Variants in DEUP1 observed in about 807,000 individuals in gnomAD.
DEUP1 encodes the protein coiled-coil domain containing 67.
DEUP1 carries 82 observed loss-of-function variants against 87.4 expected under a neutral mutation model. That is an observed-to-expected ratio of 0.94 (90% confidence interval 0.78 to 1.13). DEUP1 has a LOEUF of 1.13. Among genes scored for constraint, DEUP1 ranks in the 50% most tolerant of loss-of-function variants. The pLI is 0.00. For missense variants in DEUP1, 663 were observed against 681.5 expected, an observed-to-expected ratio of 0.97 and a Z score of 0.30; for synonymous variants, 214 against 222.7, an observed-to-expected ratio of 0.96 and a Z score of 0.35.
rs753355639 is a variant in DEUP1 at position 93,370,063 on chromosome 11, T to C, written c.433-10T>C. The C allele has an allele frequency of 7.4e-6, 11 of 1,483,066 alleles. No homozygotes were observed. In the South Asian group the frequency reaches 1.3e-4, roughly 18 times the overall value. 91.9% of individuals were successfully genotyped at this position (1,483,066 alleles called of 1,614,324 possible). On this transcript the variant is annotated splice_polypyrimidine_tract_variant and intron_variant, in intron 5 of 13. Coordinates refer to ENST00000298050, the MANE Select transcript of DEUP1 (RefSeq NM_181645.4). ...TTTTTAAATATGTTTGTCTCCCCAC[T>C]TTTTAAAAGGAATTTAGAGCAAAGT...
chr11:93,432,375 C>T (rs1333033058), intron 13 of DEUP1, among the ~76,000 whole-genome samples: 8 of 152,160 alleles, frequency 5.3e-5, no homozygotes, highest in Non-Finnish European at 4.4e-5. Context: ...TCCCCTCTGA[C>T]TCCTAGGAGG....
At position 93,343,947 on chromosome 11, in the gene DEUP1, T is replaced by G. The variant is rs1044523971; in HGVS notation, c.30-11424T>G. 2.6e-5 allele frequency among the ~76,000 whole-genome samples: 4 copies of G among 152,116 alleles called. No homozygotes were observed. The South Asian group carries it at 8.3e-4, about 31-fold the overall frequency. Reference sequence around the variant, plus strand: ...TGAATGTGAGCCACCATCTCAATTATGTAATAAAAATAGGCATTTCAATGC... The same window carrying G: ...TGAATGTGAGCCACCATCTCAATTAGGTAATAAAAATAGGCATTTCAATGC... On this transcript the variant is annotated intron_variant, in intron 2 of 13. Coordinates refer to ENST00000298050, the MANE Select transcript of DEUP1 (RefSeq NM_181645.4).
At chr11:93,404,353 A>T (rs1268908220) in intron 11 of DEUP1, among the ~76,000 whole-genome samples, 1 of 151,988 alleles carries the variant, frequency 6.6e-6, no homozygotes, top group Non-Finnish European at 1.5e-5. Flanking sequence ...TTTTTCTTTT[A>T]TTTAAGAAAG....
Position 93,416,595 on chromosome 11 carries a change from G to A in DEUP1, c.1638+1481G>A, listed in dbSNP as rs544167069. Among the ~76,000 whole-genome samples, 1,427 of 151,788 alleles carry A rather than the reference G, an allele frequency of 9.4e-3. 18 individuals are homozygous for A. The highest frequency in any genetic ancestry group is 0.032 in the African/African-American group (1,343 of 41,358). On this transcript the variant is annotated intron_variant, in intron 13 of 13. Coordinates refer to ENST00000298050, the MANE Select transcript of DEUP1 (RefSeq NM_181645.4). ...ATGGATTCACAGCCAAATTCTACCA[G>A]AGGTACAAGGAGGAACTGGTACCAT...
chr11:93,417,843 A>G (rs1340685734), intron 13 of DEUP1, among the ~76,000 whole-genome samples: 2 of 152,224 alleles, frequency 1.3e-5, no homozygotes, highest in Non-Finnish European at 2.9e-5. Flanking sequence ...ATATAGATCA[A>G]TGGAACATAA....
intron 11 of DEUP1, among the ~76,000 whole-genome samples, chr11:93,406,460 C>A (rs1045805679): frequency 4.1e-5 from 6 of 147,482 alleles, no homozygotes; most frequent in African/African-American, 1.2e-4. Flanking sequence ...TCATTTTGTA[C>A]AAAATTAATA....
intron 13 of DEUP1, among the ~76,000 whole-genome samples, chr11:93,428,413 G>A (rs1362751278): frequency 6.6e-6 from 1 of 151,308 alleles, no homozygotes; most frequent in Non-Finnish European, 1.5e-5. Flanking sequence ...CATGGACACA[G>A]GAAAGGGAAC....
At chr11:93,392,948 C>CCCTCCTCTTCCT (rs1290383120) in intron 9 of DEUP1, among the ~76,000 whole-genome samples, 17 of 147,004 alleles carry the variant, frequency 1.2e-4, no homozygotes, top group East Asian at 2.0e-4. Context: ...TCCTCCTCCT[C>CCCTCCTCTTCCT]CCTCCTCTTC....
At chr11:93,374,801 T>C (rs1367627499) in intron 7 of DEUP1, among the ~76,000 whole-genome samples, 2 of 152,132 alleles carry the variant, frequency 1.3e-5, no homozygotes, top group African/African-American at 4.8e-5. Context: ...AATTTTTTTC[T>C]AATTCAGTGA....
intron 7 of DEUP1, among the ~76,000 whole-genome samples, chr11:93,378,319 C>T (rs1415068007): frequency 2.0e-5 from 3 of 151,908 alleles, no homozygotes; most frequent in Non-Finnish European, 4.4e-5. Flanking sequence ...TCTTTTTTGT[C>T]TTTGTCAGAT....
chr11:93,364,086 G>T (rs570102066), intron 4 of DEUP1, 74 bp from the exon 5 acceptor site: 50 of 1,139,462 alleles, frequency 4.4e-5, no homozygotes, highest in Non-Finnish European at 6.0e-5. Flanking sequence ...AGGTACACAG[G>T]AAAAGAGATA....
intron 13 of DEUP1, among the ~76,000 whole-genome samples, chr11:93,430,225 A>G (rs1314953450): frequency 2.0e-5 from 3 of 152,150 alleles, no homozygotes; most frequent in Non-Finnish European, 4.4e-5. Context: ...ATTTATTCAT[A>G]AAATAAAATA....
intron 4 of DEUP1, among the ~76,000 whole-genome samples, chr11:93,360,994 A>T (rs1364675159): frequency 1.3e-5 from 2 of 152,024 alleles, no homozygotes; most frequent in Non-Finnish European, 2.9e-5. Flanking sequence ...ATATTAAGAC[A>T]CATCATAGTC....
rs950554950 is a variant in DEUP1 at position 93,393,106 on chromosome 11, G to A, written c.1042-1353G>A. 2.5e-4 allele frequency among the ~76,000 whole-genome samples: 3 copies of A among 11,868 alleles called. No individual in the cohort carries two copies. The Admixed American group carries it at 2.8e-3, about 11-fold the overall frequency. The allele number at this position is 11,868 out of a possible 152,430, so 7.8% of individuals were successfully genotyped here. On this transcript the variant is annotated intron_variant, in intron 9 of 13. Transcript: ENST00000298050. ...CTCCTTCTTTTTTTTTTTTTTTTTT[G>A]AGACAGGATCCTGCTGTGTCATTCA... is the stretch of plus-strand genomic sequence containing the variant.
intron 11 of DEUP1, among the ~76,000 whole-genome samples, chr11:93,402,871 T>C (rs997770728): frequency 6.6e-6 from 1 of 151,600 alleles, no homozygotes; most frequent in Non-Finnish European, 1.5e-5. Context: ...CTAAGAAGGA[T>C]AGGGAGGAAG....
At position 93,394,620 on chromosome 11, in the gene DEUP1, A is replaced by G. The variant is rs1946877660; in HGVS notation, c.1203A>G (p.Glu401=). 5.0e-6 allele frequency: 8 copies of G among 1,611,860 alleles called. No individual in the cohort carries two copies. Among genetic ancestry groups the G allele is most frequent in the Non-Finnish European group, 5.9e-6 (7 of 1,179,302 alleles). The change falls in exon 10 of 14, where the codon GAA becomes GAG. Residue 401 remains glutamate (E), a synonymous_variant. Transcript: ENST00000298050. ...AALLEKQLKM[E]LEIKEKMLAK... ...TTCTGGAAAAACAGTTAAAAATGGA[A>G]TTAGAAATAAAAGAAAAAATGTTAG...
At chr11:93,373,169 T>G (rs1945822508) in intron 7 of DEUP1, among the ~76,000 whole-genome samples, 1 of 152,212 alleles carries the variant, frequency 6.6e-6, no homozygotes, top group African/African-American at 2.4e-5. Context: ...CCTCTAGGCT[T>G]GGGGTCATCC....
intron 2 of DEUP1, among the ~76,000 whole-genome samples, chr11:93,354,812 G>T (rs1481827261): frequency 1.3e-5 from 2 of 152,184 alleles, no homozygotes; most frequent in African/African-American, 4.8e-5. Flanking sequence ...AATTCTGGGA[G>T]ATACAATTCA....
Position 93,437,535 on chromosome 11 carries a change from C to G in DEUP1, c.1639-8C>G. 1.9e-6 allele frequency: 3 copies of G among 1,594,776 alleles called. No individual in the cohort carries two copies. Among genetic ancestry groups the G allele is most frequent in the Non-Finnish European group, 2.6e-6 (3 of 1,173,646 alleles). Reference sequence around the variant, plus strand: ...TCCTCACTCACTTTTCTTTCTTTCTCTCTTTAGTCTCCCCCAGATATGTCC... The same window carrying G: ...TCCTCACTCACTTTTCTTTCTTTCTGTCTTTAGTCTCCCCCAGATATGTCC... On this transcript the variant is annotated splice_polypyrimidine_tract_variant and splice_region_variant and intron_variant, in intron 13 of 13. Coordinates refer to ENST00000298050, the MANE Select transcript of DEUP1 (RefSeq NM_181645.4).
Sources: gnomAD v4.1 joint callset for allele counts (sites outside exome capture counted in the v4.1 genomes callset) on GRCh38, gnomAD v4.1.1 for gene constraint, MANE v1.5 for transcripts, NCBI Gene and HGNC (gene_info 2026-07-23, HGNC 2026-07-21) for gene names.